DCC: variants seen among roughly 807,000 people sequenced by gnomAD.
The protein encoded by DCC is DCC netrin 1 receptor.
A neutral mutation model predicts 172.5 loss-of-function variants in DCC; 58 were observed. That is an observed-to-expected ratio of 0.34 (90% CI 0.27 to 0.42). The LOEUF is 0.42. Ranked by LOEUF, DCC falls within the 10% of genes least tolerant of loss-of-function variation. The pLI, the probability that DCC is intolerant of heterozygous loss-of-function variation, is 1.00. For synonymous variants in DCC, 709 were observed against 644.5 expected (o/e 1.10, Z -1.52); for missense variants, 1,740 against 1,791.0 (o/e 0.97, Z 0.51).
At chr18:53,091,855 CTATCTATA>C (rs1345082978) in intron 7 of DCC, among the ~76,000 whole-genome samples, 33 of 67,932 alleles carry the variant, frequency 4.9e-4, no homozygotes, top group African/African-American at 1.8e-3. Context: ...ATCTATCAAT[CTATCTATA>C]TATATATATA....
At chr18:52,753,380 A>AT (rs926346037) in intron 2 of DCC, among the ~76,000 whole-genome samples, 7 of 152,176 alleles carry the variant, frequency 4.6e-5, no homozygotes, top group Non-Finnish European at 8.8e-5. Context: ...TTATGAGATT[A>AT]TTTTTTTAAA....
chr18:53,161,463 A>G (rs2054838769), intron 8 of DCC, among the ~76,000 whole-genome samples: 1 of 152,194 alleles, frequency 6.6e-6, no homozygotes, highest in African/African-American at 2.4e-5. Flanking sequence ...AAATTGCTTC[A>G]GGACTCAAGC....
chr18:53,344,777 GATATTGCATATTGCAGTAAGATT>G (rs1235114510), intron 15 of DCC, among the ~76,000 whole-genome samples: 3 of 151,182 alleles, frequency 2.0e-5, no homozygotes, highest in African/African-American at 7.3e-5. Context: ...CAATATGTCT[GATATTGCATATTGCAGTAAGATT>G]ATATTGCATA....
intron 1 of DCC, among the ~76,000 whole-genome samples, chr18:52,409,578 T>A (rs886792138): frequency 2.0e-5 from 3 of 152,144 alleles, no homozygotes; most frequent in Admixed American, 2.0e-4. Context: ...TACATGCCAC[T>A]TGCTTGCTGG....
chr18:53,263,551 A>T (rs988806329), intron 12 of DCC, among the ~76,000 whole-genome samples: 2 of 152,182 alleles, frequency 1.3e-5, no homozygotes, highest in African/African-American at 4.8e-5. Context: ...GATTTTATGA[A>T]CAGAAGTAGT....
intron 1 of DCC, among the ~76,000 whole-genome samples, chr18:52,749,363 C>T (rs1019931897): frequency 6.6e-6 from 1 of 152,082 alleles, no homozygotes; most frequent in East Asian, 1.9e-4. Flanking sequence ...GGGGACCCAC[C>T]CCTGTCTGCC....
At chr18:52,686,687 T>C (rs2035841250) in intron 1 of DCC, among the ~76,000 whole-genome samples, 1 of 152,120 alleles carries the variant, frequency 6.6e-6, no homozygotes, top group South Asian at 2.1e-4. Flanking sequence ...CACAAATCAA[T>C]TGAGCATGAT....
chr18:53,043,949 A>C (rs1005055854), intron 5 of DCC, among the ~76,000 whole-genome samples: 6 of 152,020 alleles, frequency 3.9e-5, no homozygotes, highest in Admixed American at 3.3e-4. Context: ...AAGAAGGATC[A>C]ATTTAAATTG....
chr18:53,486,602 T>C (rs1013924572), intron 25 of DCC, among the ~76,000 whole-genome samples, 195 bp from the exon 26 acceptor site: 1 of 152,198 alleles, frequency 6.6e-6, no homozygotes, highest in Non-Finnish European at 1.5e-5. Flanking sequence ...TATTTCGTAG[T>C]ATGATGCTTG....
chr18:52,812,198 T>C (rs2145251443), intron 2 of DCC, among the ~76,000 whole-genome samples: 1 of 152,374 alleles, frequency 6.6e-6, no homozygotes, highest in South Asian at 2.1e-4. Context: ...AAATATAGCA[T>C]TTATAATTCA....
intron 1 of DCC, among the ~76,000 whole-genome samples, chr18:52,542,808 C>T (rs62081341): frequency 0.058 from 8,759 of 152,106 alleles, 328 homozygotes; most frequent in Middle Eastern, 0.11. Context: ...CATTGCACTC[C>T]AGCCTGGGTG....
In DCC at chr18:52,357,643, G is replaced by A. The variant is rs552523608; in HGVS notation, c.91+16765G>A. Among the ~76,000 whole-genome samples the A allele has an allele frequency of 1.7e-4, 26 of 152,198 alleles. No homozygotes were observed. In the South Asian group the frequency reaches 3.1e-3, roughly 18 times the overall value. ...CTTTTGAGTGTGGGCTGTGCTTAGC[G>A]ACTTCCTTCCGAAGACTATGGTATA... On this transcript the variant is annotated intron_variant, in intron 1 of 28. Coordinates refer to ENST00000442544, the MANE Select transcript of DCC (RefSeq NM_005215.4).
chr18:53,265,326 G>T (rs182776800), intron 12 of DCC, among the ~76,000 whole-genome samples: 37 of 152,210 alleles, frequency 2.4e-4, no homozygotes, highest in Middle Eastern at 3.4e-3. Context: ...AGGAGAAAAG[G>T]TAAACTTTTT....
intron 1 of DCC, among the ~76,000 whole-genome samples, chr18:52,467,052 A>AT (rs1272191317): frequency 3.8e-4 from 55 of 145,138 alleles, no homozygotes; most frequent in African/African-American, 8.4e-4. Context: ...TTTAAAAAAA[A>AT]AATATATATA....
chr18:52,720,235 G>C (rs1383696637), intron 1 of DCC, among the ~76,000 whole-genome samples: 3 of 152,114 alleles, frequency 2.0e-5, no homozygotes, highest in Admixed American at 2.0e-4. Flanking sequence ...CATCCATATG[G>C]AATTGACTTT....
intron 5 of DCC, among the ~76,000 whole-genome samples, chr18:52,950,260 A>G (rs1262321686): frequency 6.6e-6 from 1 of 152,180 alleles, no homozygotes; most frequent in African/African-American, 2.4e-5. Flanking sequence ...CTCTTAATTG[A>G]AAACAAACTC....
Position 53,220,918 on chromosome 18 carries a change from T to C in DCC, c.1911+5321T>C, listed in dbSNP as rs112125354. On this transcript the variant is annotated intron_variant, in intron 12 of 28. Transcript: ENST00000442544. ...GGAAGGCAATATTTCCTGGGGGCTC[T>C]TACAGTCTAGTCTTTCTGTTTGGAA... Among the ~76,000 whole-genome samples the C allele has an allele frequency of 2.0e-5, 3 of 152,248 alleles. 1 individual carries two copies. Among genetic ancestry groups the C allele is most frequent in the African/African-American group, 7.2e-5 (3 of 41,578 alleles).
chr18:52,801,302 A>G (rs772822262), intron 2 of DCC, among the ~76,000 whole-genome samples: 7 of 152,182 alleles, frequency 4.6e-5, no homozygotes, highest in Non-Finnish European at 1.0e-4. Context: ...TCTTTTAGTG[A>G]TAACCATAAC....
At chr18:53,147,828 T>C (rs771546739) in intron 7 of DCC, among the ~76,000 whole-genome samples, 3 of 152,206 alleles carry the variant, frequency 2.0e-5, no homozygotes, top group Non-Finnish European at 4.4e-5. Flanking sequence ...TATTTTAAAA[T>C]TTATTGTAAG....
Sources: allele counts gnomAD v4.1 joint callset (sites outside exome capture counted in the v4.1 genomes callset), GRCh38; gene constraint gnomAD v4.1.1; transcripts MANE v1.5; gene names NCBI Gene and HGNC (gene_info 2026-07-23, HGNC 2026-07-21).